FN1: variants seen among roughly 807,000 people sequenced by gnomAD.
The protein encoded by FN1 is fibronectin.
Under a neutral mutation model 297.3 loss-of-function variants are expected in FN1, and 106 were observed. The observed-to-expected ratio is 0.36, with a 90% CI of 0.30 to 0.42. The LOEUF (loss-of-function observed/expected upper bound fraction) is 0.42. Ranked by LOEUF, FN1 falls within the 10% of genes least tolerant of loss-of-function variation. The pLI, the probability that FN1 is intolerant of heterozygous loss-of-function variation, is 1.00. For synonymous variants in FN1, 1,149 were observed against 1,152.6 expected (o/e 1.00, Z 0.06); for missense variants, 2,690 against 3,124.9 (o/e 0.86, Z 3.32).
chr2:215,430,591 C>T, intron 5 of FN1, 124 bp downstream of exon 5: 1 of 1,161,386 alleles, frequency 8.6e-7, no homozygotes. Context: ...TTCTTGACTT[C>T]CAGAAGTTAC....
At position 215,370,554 on chromosome 2, in the gene FN1, CAAAAAA is replaced by C. The variant is rs768951130; in HGVS notation, c.6715-128_6715-123del. The C allele has an allele frequency of 5.7e-4, 179 of 315,368 alleles. 14 individuals carry two copies. Among genetic ancestry groups the C allele is most frequent in the Middle Eastern group, 2.0e-3 (2 of 994 alleles). 19.5% of individuals were successfully genotyped at this position (315,368 alleles called of 1,614,324 possible). A position where few individuals can be genotyped will look rare whatever the true frequency, so the allele number is the denominator to read the frequency against. On this transcript the variant is annotated intron_variant, in intron 40 of 45. Transcript: ENST00000354785. ...GCAAAGGAAGACAAAAAACAAAAAA[CAAAAAA>C]AAAAAAAAGAGGGAGGGTATAGTGG...
At chr2:215,423,186 A>ACACC (rs1360366515) in intron 9 of FN1, among the ~76,000 whole-genome samples, 164 bp downstream of exon 9, 1 of 151,140 alleles carries the variant, frequency 6.6e-6, no homozygotes, top group Non-Finnish European at 1.5e-5. Context: ...AACATCACAC[A>ACACC]CACACACACA....
At chr2:215,416,264 T>C (rs2063417159) in intron 12 of FN1, among the ~76,000 whole-genome samples, 1 of 152,168 alleles carries the variant, frequency 6.6e-6, no homozygotes, top group Admixed American at 6.5e-5. Context: ...TTCCATTTAA[T>C]GCACATATTT....
Position 215,434,783 on chromosome 2 carries a change from G to GT in FN1, c.189dup (p.Gln64ThrfsTer23), listed in dbSNP as rs1317509445. The GT allele has an allele frequency of 6.2e-7, 1 of 1,613,912 alleles. No homozygotes were observed. On this transcript the variant is annotated frameshift_variant, in exon 2 of 46. Transcript: ENST00000354785. LOFTEE classifies it high-confidence loss of function. ...TTGCCTAGGTAGGTCCGCTCCCACT[G>GT]TTGATTTATCTGATAGTGTTTTCCA...
At chr2:215,374,433 C>T (rs2056875454) in intron 38 of FN1, among the ~76,000 whole-genome samples, 1 of 152,296 alleles carries the variant, frequency 6.6e-6, no homozygotes, top group African/African-American at 2.4e-5. Context: ...GTGATTGGAT[C>T]ATGGGGTGGT....
chr2:215,403,041 C>G (rs1436592527), intron 20 of FN1, among the ~76,000 whole-genome samples: 1 of 152,082 alleles, frequency 6.6e-6, no homozygotes, highest in Non-Finnish European at 1.5e-5. Flanking sequence ...ACGACATCTA[C>G]TGAAAGGGCG....
At chr2:215,376,762 C>T in intron 35 of FN1, 88 bp from the exon 36 acceptor site, 1 of 1,113,368 alleles carries the variant, frequency 9.0e-7, no homozygotes. Context: ...TGGTATATAT[C>T]AAATTCATCC....
At chr2:215,378,407 T>G (rs1203302085) in intron 34 of FN1, 145 bp from the exon 35 acceptor site, 2 of 691,658 alleles carry the variant, frequency 2.9e-6, no homozygotes, top group Non-Finnish European at 5.3e-6. Flanking sequence ...ATTCCTAGAT[T>G]AATTTCATTC....
intron 44 of FN1, 44 bp downstream of exon 44, chr2:215,364,835 T>G: frequency 7.5e-7 from 1 of 1,336,908 alleles, no homozygotes; most frequent in Non-Finnish European, 1.0e-6. Context: ...AGCCCACCCT[T>G]TATCTTATCT....
At chr2:215,401,249 A>G (rs2061069096) in intron 20 of FN1, among the ~76,000 whole-genome samples, 1 of 30,208 alleles carries the variant, frequency 3.3e-5, no homozygotes, top group African/African-American at 1.0e-4. Context: ...AAAGAAAGAA[A>G]GGAAGAAAGA....
At chr2:215,412,074 A>G in intron 13 of FN1, among the ~76,000 whole-genome samples, 1 of 152,202 alleles carries the variant, frequency 6.6e-6, no homozygotes, top group East Asian at 1.9e-4. Context: ...TAATAAGAAG[A>G]TGAGAGACTA....
At chr2:215,402,902 T>C (rs1288144853) in intron 20 of FN1, among the ~76,000 whole-genome samples, 1 of 152,210 alleles carries the variant, frequency 6.6e-6, no homozygotes, top group Non-Finnish European at 1.5e-5. Context: ...CTTCCCTTAA[T>C]TATTGTTAGC....
intron 44 of FN1, 31 bp from the exon 45 acceptor site, chr2:215,362,110 G>C (rs376141269): frequency 6.6e-7 from 1 of 1,521,080 alleles, no homozygotes; most frequent in South Asian, 1.1e-5. Flanking sequence ...AGTCAAATGG[G>C]GTTTATGATA....
chr2:215,390,156 C>CTGG (rs2059550018), intron 26 of FN1, among the ~76,000 whole-genome samples: 1 of 152,076 alleles, frequency 6.6e-6, no homozygotes, highest in East Asian at 1.9e-4. Flanking sequence ...TACTTAACTG[C>CTGG]TGGGGACCTC....
Position 215,388,033 on chromosome 2 carries a change from T to C in FN1, c.4342+179A>G, listed in dbSNP as rs2888354. 0.28 allele frequency among the ~76,000 whole-genome samples: 43,025 copies of C among 152,128 alleles called. 6,912 individuals carry two copies. The highest frequency in any genetic ancestry group is 0.79 in the East Asian group (4,060 of 5,160). On this transcript the variant is annotated intron_variant, in intron 27 of 45. Coordinates refer to ENST00000354785, the MANE Select transcript of FN1 (RefSeq NM_212482.4). Reference sequence around the variant, plus strand: ...TGTTAGTGACTGAAAGTCTAGGTGATTGTTGAGTAAGGTATCTTTTAGTTT... The same window carrying C: ...TGTTAGTGACTGAAAGTCTAGGTGACTGTTGAGTAAGGTATCTTTTAGTTT...
chr2:215,384,338 T>C (rs1174254240), intron 29 of FN1, 154 bp from the exon 30 acceptor site: 4 of 705,870 alleles, frequency 5.7e-6, no homozygotes, highest in African/African-American at 5.3e-5. Flanking sequence ...AAGGGGTATT[T>C]ATGCATGTAG....
Position 215,436,040 on chromosome 2 carries a change from TC to T in FN1, c.-239del. 2 of 817,742 alleles carry T rather than the reference TC, an allele frequency of 2.4e-6. No individual in the cohort carries two copies. Among genetic ancestry groups the T allele is most frequent in the Middle Eastern group, 3.8e-4 (1 of 2,660 alleles). 50.7% of individuals were successfully genotyped at this position (817,742 alleles called of 1,614,324 possible). On this transcript the variant is annotated 5_prime_UTR_variant, in exon 1 of 46. Transcript: ENST00000354785. Reference sequence around the variant, plus strand: ...CGCTCGCGCCTGGGGTTCCCTCTCCTCCCCCTGTGCAGCACAGCCGGCGCGG... The same window carrying T: ...CGCTCGCGCCTGGGGTTCCCTCTCCTCCCCTGTGCAGCACAGCCGGCGCGG...
rs144845461 is a variant in FN1 at position 215,364,800 on chromosome 2, TG to T, written c.7251+78del. On this transcript the variant is annotated intron_variant, in intron 44 of 45. Transcript: ENST00000354785. ...ACTTCCGAAGGGTCTCTGCCCCTCC[TG>T]TGTGTACGACACATCCTTGCAGGAG... 1,311 of 924,628 alleles carry T rather than the reference TG, an allele frequency of 1.4e-3. 10 individuals carry two copies. The African/African-American group carries it at 0.018, about 13-fold the overall frequency. The allele number at this position is 924,628 out of a possible 1,614,324, so 57.3% of individuals were successfully genotyped here. A position where few individuals can be genotyped will look rare whatever the true frequency, so the allele number is the denominator to read the frequency against.
At position 215,406,789 on chromosome 2, in the gene FN1, T is replaced by C. The variant is rs139324527; in HGVS notation, c.2714-279A>G. On this transcript the variant is annotated intron_variant, in intron 18 of 45. Coordinates refer to ENST00000354785, the MANE Select transcript of FN1 (RefSeq NM_212482.4). ...GTTATAAGAAAAGATACTAAAAAATTTTTTAGAAAAAGCCTTTGAAATAAC... is the reference window on the plus strand; with the variant it reads ...GTTATAAGAAAAGATACTAAAAAATCTTTTAGAAAAAGCCTTTGAAATAAC... 7.7e-4 allele frequency among the ~76,000 whole-genome samples: 117 copies of C among 152,282 alleles called. No homozygotes were observed. In the East Asian group the frequency reaches 0.02, roughly 27 times the overall value.
Sources: gnomAD v4.1 joint callset for allele counts (sites outside exome capture counted in the v4.1 genomes callset) on GRCh38, gnomAD v4.1.1 for gene constraint, MANE v1.5 for transcripts, NCBI Gene and HGNC (gene_info 2026-07-23, HGNC 2026-07-21) for gene names.